Variants in ATP6V1E1 observed in about 807,000 individuals in gnomAD.
ATP6V1E1 encodes V-type proton ATPase subunit E 1.
A neutral mutation model predicts 35.2 loss-of-function variants in ATP6V1E1; 21 were observed. The ratio of observed to expected loss-of-function variants is 0.60; its 90% CI spans 0.42 to 0.86. ATP6V1E1 has a LOEUF of 0.86. ATP6V1E1 is among the 40% of genes least tolerant of loss of function. The probability of loss-of-function intolerance (pLI) is 0.00; values close to 1 mark genes in which losing one functional copy is unlikely to be tolerated. For missense variants in ATP6V1E1, 183 were observed against 272.6 expected (o/e 0.67, Z 2.32); for synonymous variants, 83 against 87.8 (o/e 0.95, Z 0.30).
intron 1 of ATP6V1E1, among the ~76,000 whole-genome samples, chr22:17,622,951 A>T (rs1321616582): frequency 6.6e-6 from 1 of 152,168 alleles, no homozygotes; most frequent in African/African-American, 2.4e-5. Context: ...GGGCAAGAAG[A>T]GCGAAACTCC....
chr22:17,622,820 A>T (rs2057884667), intron 1 of ATP6V1E1, among the ~76,000 whole-genome samples: 1 of 152,052 alleles, frequency 6.6e-6, no homozygotes, highest in Admixed American at 6.6e-5. Flanking sequence ...ACAAAAAATT[A>T]GCCAGGCGTG....
At chr22:17,604,349 T>C (rs1050029863) in intron 4 of ATP6V1E1, among the ~76,000 whole-genome samples, 1 of 152,176 alleles carries the variant, frequency 6.6e-6, no homozygotes, top group Non-Finnish European at 1.5e-5. Flanking sequence ...TTGTATTTTA[T>C]GAGTTTGGAA....
intron 4 of ATP6V1E1, among the ~76,000 whole-genome samples, chr22:17,605,076 G>C (rs977703101): frequency 1.3e-5 from 2 of 150,376 alleles, no homozygotes; most frequent in African/African-American, 4.9e-5. Context: ...AATTAGTAGG[G>C]CATGGTGAAT....
chr22:17,617,242 C>T (rs1339385457), intron 2 of ATP6V1E1, among the ~76,000 whole-genome samples: 1 of 152,048 alleles, frequency 6.6e-6, no homozygotes, highest in Non-Finnish European at 1.5e-5. Flanking sequence ...TAAGGCTGTA[C>T]TAAAAGGACA....
intron 1 of ATP6V1E1, among the ~76,000 whole-genome samples, chr22:17,623,543 T>C (rs5747288): frequency 0.53 from 80,734 of 151,608 alleles, 22,558 homozygotes; most frequent in African/African-American, 0.69. Context: ...TGGTGGCGGG[T>C]GCCTGCAATC....
At chr22:17,594,279 T>C (rs2057720133) in intron 8 of ATP6V1E1, among the ~76,000 whole-genome samples, 1 of 152,170 alleles carries the variant, frequency 6.6e-6, no homozygotes, top group African/African-American at 2.4e-5. Flanking sequence ...GTCAGCACCT[T>C]ACATGTAGTA....
rs2057708848 is a variant in ATP6V1E1 at position 17,592,626 on chromosome 22, T to G, written c.*48A>C. The G allele has an allele frequency of 1.3e-6, 2 of 1,565,070 alleles. No individual in the cohort carries two copies. The highest frequency in any genetic ancestry group is 2.2e-5 in the South Asian group (2 of 90,038). ...CGTGTTTCTTCAAATATCAGAAGCT[T>G]CCACATCACAGCAGGAGAGCTGACG... is the stretch of plus-strand genomic sequence containing the variant. On this transcript the variant is annotated 3_prime_UTR_variant, in exon 9 of 9. Transcript: ENST00000253413.
At chr22:17,608,948 C>G (rs1168761522) in intron 4 of ATP6V1E1, among the ~76,000 whole-genome samples, 1 of 151,750 alleles carries the variant, frequency 6.6e-6, no homozygotes, top group Non-Finnish European at 1.5e-5. Context: ...TAGCCGGGCG[C>G]AGTGGCGGGC....
At position 17,600,058 on chromosome 22, in the gene ATP6V1E1, C is replaced by T. The variant is rs377047811; in HGVS notation, c.404G>A (p.Arg135His). 44 of 1,613,724 alleles carry T rather than the reference C, an allele frequency of 2.7e-5. No homozygotes were observed. The highest frequency in any genetic ancestry group is 5.3e-5 in the African/African-American group (4 of 74,842). The change falls in exon 6 of 9, where the codon CGT becomes CAT. Residue 135 changes from arginine (R) to histidine (H), a missense_variant. Physicochemically the swap from Arg to His is conservative, Grantham distance 29. Coordinates refer to ENST00000253413, the MANE Select transcript of ATP6V1E1 (RefSeq NM_001696.4). The stretch of plus-strand genomic sequence containing the variant: ...CAGAGGGAAATCTTGTTTCCTGCAA[C>T]GAACAATCATTCGGGGCTCCAGCAA... ...YQLLEPRMIVRCRKQDFPLVK... is the reference protein window; with the variant it reads ...YQLLEPRMIVHCRKQDFPLVK...
intron 2 of ATP6V1E1, among the ~76,000 whole-genome samples, chr22:17,618,475 G>A (rs1440538091): frequency 1.3e-5 from 2 of 151,952 alleles, no homozygotes; most frequent in Non-Finnish European, 2.9e-5. Flanking sequence ...GAGGTCAGGA[G>A]ATCGAGACCA....
chr22:17,624,913 T>A (rs2057896203), intron 1 of ATP6V1E1, among the ~76,000 whole-genome samples: 1 of 152,132 alleles, frequency 6.6e-6, no homozygotes, highest in Non-Finnish European at 1.5e-5. Flanking sequence ...CTTCAATATA[T>A]TATGACAAGG....
At chr22:17,594,886 T>C (rs2057723431) in intron 7 of ATP6V1E1, 1 of 234,606 alleles carries the variant, frequency 4.3e-6, no homozygotes, top group Non-Finnish European at 8.2e-6. Flanking sequence ...GCAAATCATG[T>C]CTACAGCACT....
At chr22:17,622,901 G>C (rs917588786) in intron 1 of ATP6V1E1, among the ~76,000 whole-genome samples, 4 of 152,114 alleles carry the variant, frequency 2.6e-5, no homozygotes, top group Non-Finnish European at 5.9e-5. Flanking sequence ...TGGAGGCGGA[G>C]GTTGTGGTAG....
At chr22:17,602,860 T>C (rs2057768504) in intron 4 of ATP6V1E1, among the ~76,000 whole-genome samples, 1 of 152,234 alleles carries the variant, frequency 6.6e-6, no homozygotes, top group African/African-American at 2.4e-5. Flanking sequence ...AATCATACTT[T>C]CACTCATTTA....
At chr22:17,621,577 G>T (rs1018596176) in intron 1 of ATP6V1E1, among the ~76,000 whole-genome samples, 3 of 152,114 alleles carry the variant, frequency 2.0e-5, no homozygotes, top group Non-Finnish European at 2.9e-5. Flanking sequence ...TTTCAGGTGT[G>T]AGTCACCGTA....
chr22:17,601,996 C>T (rs534660361), intron 4 of ATP6V1E1, among the ~76,000 whole-genome samples: 24 of 152,246 alleles, frequency 1.6e-4, no homozygotes, highest in African/African-American at 5.8e-4. Context: ...CCTTGACCAT[C>T]CAGGCTCAAG....
At chr22:17,618,680 T>TC (rs2057858884) in intron 2 of ATP6V1E1, among the ~76,000 whole-genome samples, 2 of 66,520 alleles carry the variant, frequency 3.0e-5, no homozygotes, top group East Asian at 9.4e-4. Flanking sequence ...AGACTCCATC[T>TC]CAAAAAAAAA....
chr22:17,595,512 C>T (rs1035741712), intron 7 of ATP6V1E1, among the ~76,000 whole-genome samples: 4 of 152,158 alleles, frequency 2.6e-5, no homozygotes, highest in African/African-American at 4.8e-5. Context: ...GGCCCTATCA[C>T]GACTGCATGT....
At chr22:17,623,101 A>C (rs1032913048) in intron 1 of ATP6V1E1, among the ~76,000 whole-genome samples, 2 of 152,136 alleles carry the variant, frequency 1.3e-5, no homozygotes, top group African/African-American at 2.4e-5. Flanking sequence ...GTTGTTACAC[A>C]CTCAGTGGAT....
Sources: gnomAD v4.1 joint callset for allele counts (sites outside exome capture counted in the v4.1 genomes callset) on GRCh38, gnomAD v4.1.1 for gene constraint, MANE v1.5 for transcripts, NCBI Gene and HGNC (gene_info 2026-07-23, HGNC 2026-07-21) for gene names.